The following ERMP1 variants were observed in gnomAD, a reference collection of about 807,000 sequenced individuals.
The protein encoded by ERMP1 is endoplasmic reticulum metallopeptidase 1.
In ERMP1, 86 loss-of-function variants were observed where a neutral mutation model predicts 92.0. The ratio of observed to expected loss-of-function variants is 0.93; its 90% CI spans 0.79 to 1.12. The LOEUF is 1.12. Among genes scored for constraint, ERMP1 ranks in the 50% most tolerant of loss-of-function variants. ERMP1 has a pLI of 0.00. For synonymous variants in ERMP1, 530 were observed against 412.8 expected, an observed-to-expected ratio of 1.28 and a Z score of -3.44; for missense variants, 1,342 against 1,116.3, an observed-to-expected ratio of 1.20 and a Z score of -2.88.
At chr9:5,825,774 G>C (rs1333529795) in intron 2 of ERMP1, among the ~76,000 whole-genome samples, 2 of 152,150 alleles carry the variant, frequency 1.3e-5, no homozygotes, top group Admixed American at 1.3e-4. Context: ...ACCTAATCTA[G>C]TAAGTCACAG....
In ERMP1 at chr9:5,810,134, G is replaced by C; in HGVS notation, c.1425C>G (p.Ile475Met). ...ATGAGAGAGACTGTCCAATAAGAGA[G>C]ATGAACACTGCTATAATGAGAACGG... ...LVTVLIIAVF[I>M]SLIGQSLSWY... Residue 475 changes from isoleucine to methionine, a missense_variant, in exon 8 of 15, where the codon ATC (isoleucine) becomes ATG (methionine). Ile to Met is a conservative substitution (Grantham distance 10, BLOSUM62 1). Transcript: ENST00000339450. The C allele has an allele frequency of 5.6e-6, 9 of 1,613,850 alleles. No homozygotes were observed. Among genetic ancestry groups the C allele is most frequent in the Non-Finnish European group, 7.6e-6 (9 of 1,179,756 alleles).
chr9:5,859,270 GGCA>G (rs1472589389), intron 6 of ERMP1, among the ~76,000 whole-genome samples: 1 of 29,312 alleles, frequency 3.4e-5, no homozygotes, highest in East Asian at 4.4e-4. Flanking sequence ...AAGACACTTT[GGCA>G]AAGGGAGCTC....
intron 3 of ERMP1, among the ~76,000 whole-genome samples, chr9:5,824,631 G>A (rs913689104): frequency 2.1e-4 from 32 of 152,044 alleles, no homozygotes; most frequent in Non-Finnish European, 1.2e-4. Flanking sequence ...TCAAACTCCT[G>A]ACCTCGTGAT....
intron 5 of ERMP1, among the ~76,000 whole-genome samples, chr9:5,860,164 G>A (rs1274669277): frequency 6.6e-6 from 1 of 151,794 alleles, no homozygotes; most frequent in Non-Finnish European, 1.5e-5. Flanking sequence ...AATTAGCCAG[G>A]TGTGGTAGTG....
In ERMP1 at chr9:5,823,268, C is replaced by T. The variant is rs140038000; in HGVS notation, c.874+628G>A. 8.0e-4 allele frequency among the ~76,000 whole-genome samples: 122 copies of T among 151,950 alleles called. No homozygotes were observed. The Middle Eastern group carries it at 0.01, about 13-fold the overall frequency. ...CTCGAGCCTGGGTGACAGAGCATGG[C>T]TCTGTCTCTAAAAAAACAATAAAAT... On this transcript the variant is annotated intron_variant, in intron 4 of 14. Transcript: ENST00000339450.
At position 5,825,117 on chromosome 9, in the gene ERMP1, T is replaced by G; in HGVS notation, c.743A>C (p.Asn248Thr). 1 of 1,614,002 alleles carries G rather than the reference T, an allele frequency of 6.2e-7. No individual in the cohort carries two copies. Among genetic ancestry groups the G allele is most frequent in the African/African-American group, 1.3e-5 (1 of 75,022 alleles). The change falls in exon 3 of 15, where the codon AAT becomes ACT. Residue 248 changes from asparagine to threonine, a missense_variant. Asn to Thr is a moderately conservative substitution (Grantham distance 65). Coordinates refer to ENST00000339450, the MANE Select transcript of ERMP1 (RefSeq NM_024896.3). ...ALHHAVIFLF[N>T]GAEENVLQAS... ...TTGCAAGACATTTTCCTCAGCACCA[T>G]TAAAGAGAAATATGACAGCATGATG...
intron 6 of ERMP1, among the ~76,000 whole-genome samples, chr9:5,848,866 T>C (rs1830271184): frequency 6.6e-6 from 1 of 152,090 alleles, no homozygotes; most frequent in Admixed American, 6.6e-5. Context: ...CACAGGGGTG[T>C]TGGTTTGAGT....
chr9:5,804,615 G>A (rs543310077), intron 10 of ERMP1, among the ~76,000 whole-genome samples: 1 of 152,132 alleles, frequency 6.6e-6, no homozygotes, highest in African/African-American at 2.4e-5. Context: ...TCCTTCACTA[G>A]CTCTAAAAGC....
At position 5,805,787 on chromosome 9, in the gene ERMP1, T is replaced by A; in HGVS notation, c.1549-2A>T. On this transcript the variant is annotated splice_acceptor_variant, in intron 8 of 14. Transcript: ENST00000339450. LOFTEE classifies it high-confidence loss of function. ...TCCCAGATACTGGGCACTGGCATTC[T>A]GAAAGAAAGAAAAATATACAAGTAG... 4.4e-6 allele frequency: 7 copies of A among 1,590,352 alleles called. No homozygotes were observed. Among genetic ancestry groups the A allele is most frequent in the Non-Finnish European group, 6.0e-6 (7 of 1,171,596 alleles).
rs1394807746 is a variant in ERMP1 at position 5,832,865 on chromosome 9, CG to C, written c.162del (p.Gly56ValfsTer26). Reference sequence around the variant, plus strand: ...CCCCTGCTCGCGCCGCCGCTACCCCCGGGGCTCCTCTTCCGCGTCCTCCCGC... The same window carrying C: ...CCCCTGCTCGCGCCGCCGCTACCCCCGGGCTCCTCTTCCGCGTCCTCCCGC... ...SGGGRTRKRS[P>X]GGSGGASRGA... On this transcript the variant is annotated frameshift_variant, in exon 1 of 15. Coordinates refer to ENST00000339450, the MANE Select transcript of ERMP1 (RefSeq NM_024896.3). LOFTEE classifies it high-confidence loss of function. The C allele has an allele frequency of 6.6e-7, 1 of 1,521,438 alleles. No individual in the cohort carries two copies. Among genetic ancestry groups the C allele is most frequent in the Non-Finnish European group, 8.7e-7 (1 of 1,143,760 alleles). The allele number at this position is 1,521,438 out of a possible 1,614,324, so 94.2% of individuals were successfully genotyped here.
intron 2 of ERMP1, among the ~76,000 whole-genome samples, 186 bp downstream of exon 2, chr9:5,830,541 T>G (rs955558595): frequency 6.6e-6 from 1 of 152,164 alleles, no homozygotes; most frequent in Non-Finnish European, 1.5e-5. Flanking sequence ...ATAAAGCACT[T>G]AAGAGAAGAC....
rs915117600 is a variant in ERMP1 at position 5,784,839 on chromosome 9, T to C, written c.*2305A>G. 1 of 152,630 alleles carries C rather than the reference T, an allele frequency of 6.6e-6. No individual in the cohort carries two copies. The highest frequency in any genetic ancestry group is 1.5e-5 in the Non-Finnish European group (1 of 68,042). The allele number at this position is 152,630 out of a possible 1,614,324, so 9.5% of individuals were successfully genotyped here. ...ATTTTGAAATCAATTCCTCACACTTTTTCCCTGAATATGCAGTACTGTACT... is the reference window on the plus strand; with the variant it reads ...ATTTTGAAATCAATTCCTCACACTTCTTCCCTGAATATGCAGTACTGTACT... On this transcript the variant is annotated 3_prime_UTR_variant, in exon 15 of 15. Transcript: ENST00000339450.
At chr9:5,852,672 A>G (rs1008539216) in intron 6 of ERMP1, among the ~76,000 whole-genome samples, 2 of 152,134 alleles carry the variant, frequency 1.3e-5, no homozygotes, top group Admixed American at 6.5e-5. Flanking sequence ...AAAAAAAAAA[A>G]AAGAATGTTT....
intron 1 of ERMP1, 63 bp downstream of exon 1, chr9:5,832,627 C>T (rs565324652): frequency 2.3e-5 from 30 of 1,281,670 alleles, no homozygotes; most frequent in African/African-American, 2.0e-4. Flanking sequence ...GTGCGGTGCC[C>T]CGGAGCCTGC....
intron 6 of ERMP1, among the ~76,000 whole-genome samples, chr9:5,844,788 T>C (rs1338909214): frequency 1.3e-5 from 2 of 152,182 alleles, no homozygotes; most frequent in African/African-American, 4.8e-5. Context: ...ACCATAAATA[T>C]ATTTCCAGTT....
At chr9:5,866,630 C>A (rs145024493) in intron 5 of ERMP1, among the ~76,000 whole-genome samples, 32 of 152,128 alleles carry the variant, frequency 2.1e-4, no homozygotes, top group African/African-American at 7.5e-4. Context: ...GCATGGGAAA[C>A]TAAGGAAACC....
chr9:5,851,992 T>C (rs1830312294), intron 6 of ERMP1, among the ~76,000 whole-genome samples: 1 of 152,086 alleles, frequency 6.6e-6, no homozygotes, highest in African/African-American at 2.4e-5. Context: ...ACCTTATAAA[T>C]AAAAAAGCTC....
At chr9:5,807,176 G>A (rs1345176202) in intron 8 of ERMP1, among the ~76,000 whole-genome samples, 2 of 152,066 alleles carry the variant, frequency 1.3e-5, no homozygotes, top group African/African-American at 4.8e-5. Context: ...GCCCACTCCT[G>A]CTCCATTCCA....
chr9:5,860,579 T>C (rs2129779399), intron 5 of ERMP1, among the ~76,000 whole-genome samples: 1 of 151,970 alleles, frequency 6.6e-6, no homozygotes, highest in Non-Finnish European at 1.5e-5. Context: ...GCCATGAAAG[T>C]TGCAAGGACA....
Sources: allele counts gnomAD v4.1 joint callset (sites outside exome capture counted in the v4.1 genomes callset), GRCh38; gene constraint gnomAD v4.1.1; transcripts MANE v1.5; gene names NCBI Gene and HGNC (gene_info 2026-07-23, HGNC 2026-07-21).